The following REV1 variants were observed in gnomAD, a reference collection of about 807,000 sequenced individuals.
REV1 encodes the protein REV1 DNA directed polymerase.
In REV1, 42 loss-of-function variants were observed where a neutral mutation model predicts 137.4. The observed-to-expected ratio is 0.31, with a 90% CI of 0.24 to 0.40. REV1 has a LOEUF of 0.40. Among genes scored for constraint, REV1 ranks in the 10% least tolerant of loss-of-function variants. The probability of loss-of-function intolerance (pLI) is 1.00; values close to 1 mark genes in which losing one functional copy is unlikely to be tolerated. For missense variants in REV1, 1,282 were observed against 1,490.1 expected (o/e 0.86, Z 2.30); for synonymous variants, 524 against 519.2 (o/e 1.01, Z -0.12).
At chr2:99,415,076 AG>A (rs1389636730) in intron 12 of REV1, among the ~76,000 whole-genome samples, 1 of 152,018 alleles carries the variant, frequency 6.6e-6, no homozygotes, top group African/African-American at 2.4e-5. Flanking sequence ...GAGGTGGGGG[AG>A]GGAGGCAGGG....
intron 3 of REV1, among the ~76,000 whole-genome samples, chr2:99,458,780 T>C (rs1286662899): frequency 6.6e-6 from 1 of 152,256 alleles, no homozygotes; most frequent in Non-Finnish European, 1.5e-5. Flanking sequence ...GGTTATATGC[T>C]GTATGTTTTA....
At position 99,407,743 on chromosome 2, in the gene REV1, T is replaced by A. The variant is rs532326679; in HGVS notation, c.2448+286A>T. ...TGTATTCATATTCCTCACAGTCATA[T>A]CTACTTCTAGGAAACAAGAACAGGG... On this transcript the variant is annotated intron_variant, in intron 15 of 22. Coordinates refer to ENST00000258428, the MANE Select transcript of REV1 (RefSeq NM_016316.4). Among the ~76,000 whole-genome samples, 3 of 152,338 alleles carry A rather than the reference T, an allele frequency of 2.0e-5. No individual in the cohort carries two copies. The South Asian group carries it at 6.2e-4, about 32-fold the overall frequency.
At chr2:99,451,349 C>T in intron 3 of REV1, 1 of 1,269,726 alleles carries the variant, frequency 7.9e-7, no homozygotes, top group Non-Finnish European at 1.0e-6. Flanking sequence ...ACTCACCCGT[C>T]TACTAGCTGC....
intron 6 of REV1, 74 bp downstream of exon 6, chr2:99,438,527 T>C: frequency 9.1e-7 from 1 of 1,098,768 alleles, no homozygotes; most frequent in Non-Finnish European, 1.3e-6. Flanking sequence ...TGACCAGAAA[T>C]ACCAATAATA....
At chr2:99,423,202 C>T (rs7602535) in intron 10 of REV1, among the ~76,000 whole-genome samples, 144,416 of 152,318 alleles carry the variant, frequency 0.95, 68,521 homozygotes, top group East Asian at 1. Flanking sequence ...TAGATATTCC[C>T]TTCTGGACTA....
chr2:99,479,044 G>C (rs1023971331), intron 1 of REV1, among the ~76,000 whole-genome samples: 5 of 152,058 alleles, frequency 3.3e-5, no homozygotes, highest in African/African-American at 4.8e-5. Flanking sequence ...GATTGCAGGC[G>C]ACAGGCTGGG....
intron 1 of REV1, among the ~76,000 whole-genome samples, chr2:99,473,472 T>C (rs1408852132): frequency 1.3e-5 from 2 of 152,230 alleles, no homozygotes; most frequent in Admixed American, 6.5e-5. Context: ...TGGAAACCTC[T>C]ACTTGCTTTT....
At chr2:99,403,670 G>A (rs1279657335) in intron 19 of REV1, 25 bp downstream of exon 19, 1 of 1,613,910 alleles carries the variant, frequency 6.2e-7, no homozygotes, top group Admixed American at 1.7e-5. Flanking sequence ...CTTCATTTTT[G>A]TTACATGCCA....
chr2:99,448,553 C>G (rs980634783), intron 4 of REV1, among the ~76,000 whole-genome samples: 1 of 152,158 alleles, frequency 6.6e-6, no homozygotes, highest in African/African-American at 2.4e-5. Flanking sequence ...CCTCCTTTCC[C>G]CCTACTCCTA....
intron 6 of REV1, among the ~76,000 whole-genome samples, chr2:99,436,375 TC>T (rs1179138242): frequency 6.6e-6 from 1 of 152,200 alleles, no homozygotes; most frequent in African/African-American, 2.4e-5. Context: ...ATTTAAATTC[TC>T]ACAACTATGA....
intron 12 of REV1, among the ~76,000 whole-genome samples, chr2:99,417,599 G>C (rs1029344717): frequency 1.3e-5 from 2 of 152,182 alleles, no homozygotes; most frequent in African/African-American, 4.8e-5. Context: ...GACACAGGGA[G>C]AGGAGGGTCA....
At chr2:99,483,715 C>G (rs1032082898) in intron 1 of REV1, among the ~76,000 whole-genome samples, 1 of 152,150 alleles carries the variant, frequency 6.6e-6, no homozygotes, top group Non-Finnish European at 1.5e-5. Context: ...ATTTTCCACC[C>G]TCTTGAATAT....
chr2:99,484,136 ACAC>A (rs1452734828), intron 1 of REV1, among the ~76,000 whole-genome samples: 8 of 152,280 alleles, frequency 5.3e-5, no homozygotes, highest in Non-Finnish European at 7.4e-5. Context: ...AGAACACCAA[ACAC>A]CACATGTTCT....
In REV1 at chr2:99,429,870, G is replaced by A; in HGVS notation, c.1517C>T (p.Ala506Val). The A allele has an allele frequency of 6.2e-7, 1 of 1,602,822 alleles. No individual in the cohort carries two copies. Among genetic ancestry groups the A allele is most frequent in the Non-Finnish European group, 8.5e-7 (1 of 1,175,164 alleles). The change falls in exon 9 of 23, where the codon GCT becomes GTT. Residue 506 changes from alanine (A) to valine (V), a missense_variant. By Grantham distance (64) the Ala-to-Val change is moderately conservative. This residue lies in a region of REV1 where 432 missense variants were observed against 438.0 expected (regional missense o/e 0.99). Transcript: ENST00000258428. ...CTCATAACTACAAGATGCAATTTCA[G>A]CCCTTGACAAAACAGAATCAATTCC... ...ANGIDSVLSR[A>V]EIASCSYEAR...
intron 22 of REV1, 143 bp downstream of exon 22, chr2:99,402,101 G>A (rs1675542098): frequency 1.9e-6 from 1 of 539,980 alleles, no homozygotes; most frequent in African/African-American, 2.0e-5. Flanking sequence ...TTGCTACTTA[G>A]TCAACATGGC....
intron 1 of REV1, among the ~76,000 whole-genome samples, chr2:99,479,313 C>T (rs1161120461): frequency 1.2e-4 from 15 of 126,720 alleles, no homozygotes; most frequent in Non-Finnish European, 1.6e-4. Flanking sequence ...GGTGACAGAG[C>T]GAGACTCTGT....
At position 99,408,022 on chromosome 2, in the gene REV1, T is replaced by C. The variant is rs2104420461; in HGVS notation, c.2448+7A>G. 6.7e-7 allele frequency: 1 copy of C among 1,502,540 alleles called. No individual in the cohort carries two copies. The highest frequency in any genetic ancestry group is 9.1e-7 in the Non-Finnish European group (1 of 1,093,996). 93.1% of individuals were successfully genotyped at this position (1,502,540 alleles called of 1,614,324 possible). On this transcript the variant is annotated splice_region_variant and intron_variant, in intron 15 of 22. Coordinates refer to ENST00000258428, the MANE Select transcript of REV1 (RefSeq NM_016316.4). Reference sequence around the variant, plus strand: ...AGTCAGAATTTACAATGTTACTATATACTTACCCCTCTCATATCTGATATA... The same window carrying C: ...AGTCAGAATTTACAATGTTACTATACACTTACCCCTCTCATATCTGATATA...
At chr2:99,468,190 AAAAAG>A (rs749903790) in intron 1 of REV1, among the ~76,000 whole-genome samples, 3 of 152,146 alleles carry the variant, frequency 2.0e-5, no homozygotes, top group Admixed American at 6.5e-5. Context: ...CAAAAAAAAA[AAAAAG>A]AAAGAAAGAA....
Position 99,405,977 on chromosome 2 carries a change from C to A in REV1, c.2744G>T (p.Gly915Val). Residue 915 changes from glycine to valine, a missense_variant, in exon 17 of 23, where the codon GGT becomes GTT. Gly to Val is a moderately radical substitution (Grantham distance 109). Around this residue, in one of 7 missense-constraint regions of REV1, gnomAD observed 135 missense variants for 123.3 expected, o/e 1.10. Coordinates refer to ENST00000258428, the MANE Select transcript of REV1 (RefSeq NM_016316.4). ...NKAESSGKWN[G>V]LHTPVSVQSR... Reference sequence around the variant, plus strand: ...CTGCACACTGACAGGAGTATGTAGACCATTCCATTTCCCTGAAGACTCAGC... The same window carrying A: ...CTGCACACTGACAGGAGTATGTAGAACATTCCATTTCCCTGAAGACTCAGC... 6.2e-7 allele frequency: 1 copy of A among 1,613,980 alleles called. No individual in the cohort carries two copies. Among genetic ancestry groups the A allele is most frequent in the Non-Finnish European group, 8.5e-7 (1 of 1,179,934 alleles).
Sources: gnomAD v4.1 joint callset for allele counts (sites outside exome capture counted in the v4.1 genomes callset) on GRCh38, gnomAD v4.1.1 for gene constraint, gnomAD v4.1.1 regional missense constraint, MANE v1.5 for transcripts, NCBI Gene and HGNC (gene_info 2026-07-23, HGNC 2026-07-21) for gene names.